MTREX: variants seen among roughly 807,000 people sequenced by gnomAD.
MTREX encodes the protein exosome RNA helicase MTR4.
A neutral mutation model predicts 135.4 loss-of-function variants in MTREX; 76 were observed. The observed-to-expected ratio is 0.56, with a 90% CI of 0.47 to 0.68. The LOEUF (loss-of-function observed/expected upper bound fraction) is 0.68. Among genes scored for constraint, MTREX ranks in the 30% least tolerant of loss-of-function variants. The pLI is 0.00. For synonymous variants in MTREX, 404 were observed against 401.6 expected, an observed-to-expected ratio of 1.01 and a Z score of -0.07; for missense variants, 920 against 1,262.1, an observed-to-expected ratio of 0.73 and a Z score of 4.11.
intron 16 of MTREX, among the ~76,000 whole-genome samples, chr5:55,370,051 G>A (rs992084164): frequency 1.3e-5 from 2 of 151,882 alleles, no homozygotes; most frequent in African/African-American, 4.8e-5. Context: ...AGCCTCTCAA[G>A]TAGCTGGGAT....
At chr5:55,417,326 T>G (rs1409534913) in intron 25 of MTREX, among the ~76,000 whole-genome samples, 1 of 152,164 alleles carries the variant, frequency 6.6e-6, no homozygotes, top group Non-Finnish European at 1.5e-5. Flanking sequence ...TCAGGGTAGA[T>G]ATTATCTCCA....
intron 19 of MTREX, among the ~76,000 whole-genome samples, chr5:55,388,814 T>TA (rs1750520946): frequency 6.6e-6 from 1 of 152,222 alleles, no homozygotes; most frequent in East Asian, 1.9e-4. Flanking sequence ...TTTCCTTAGT[T>TA]AAAATCATTT....
chr5:55,345,402 A>C (rs959002091), intron 10 of MTREX, among the ~76,000 whole-genome samples: 1 of 152,156 alleles, frequency 6.6e-6, no homozygotes, highest in Non-Finnish European at 1.5e-5. Context: ...TATACAATTC[A>C]GTAGTCTTTA....
intron 16 of MTREX, among the ~76,000 whole-genome samples, chr5:55,373,486 C>T (rs1750240883): frequency 6.6e-6 from 1 of 152,076 alleles, no homozygotes; most frequent in African/African-American, 2.4e-5. Flanking sequence ...GAAGATGGTG[C>T]ACTCCATCTC....
chr5:55,373,973 A>C (rs1219661272), intron 16 of MTREX, among the ~76,000 whole-genome samples: 1 of 152,112 alleles, frequency 6.6e-6, no homozygotes, highest in Non-Finnish European at 1.5e-5. Context: ...CATAAAAAAT[A>C]CAAAAAATGC....
chr5:55,421,082 T>C (rs1020932438), intron 25 of MTREX, among the ~76,000 whole-genome samples: 1 of 152,196 alleles, frequency 6.6e-6, no homozygotes, highest in African/African-American at 2.4e-5. Flanking sequence ...AGTAGGTTAA[T>C]GTGGTTTTGT....
chr5:55,337,605 C>T (rs1428847937), intron 5 of MTREX, among the ~76,000 whole-genome samples: 1 of 151,922 alleles, frequency 6.6e-6, no homozygotes, highest in East Asian at 1.9e-4. Context: ...TTTTGGTTCC[C>T]TTGTATGTTG....
intron 23 of MTREX, among the ~76,000 whole-genome samples, chr5:55,412,141 G>A (rs1023790379): frequency 3.9e-5 from 6 of 152,046 alleles, no homozygotes; most frequent in African/African-American, 9.7e-5. Context: ...TTGTGGTGGC[G>A]CCTTTTAACA....
intron 16 of MTREX, among the ~76,000 whole-genome samples, chr5:55,372,725 T>C (rs1750223467): frequency 6.6e-6 from 1 of 152,124 alleles, no homozygotes; most frequent in Non-Finnish European, 1.5e-5. Flanking sequence ...TCACGCCATA[T>C]ACAAAAAGTA....
chr5:55,345,457 A>G (rs905774743), intron 10 of MTREX, among the ~76,000 whole-genome samples: 6 of 152,128 alleles, frequency 3.9e-5, no homozygotes, highest in African/African-American at 1.2e-4. Context: ...TCTAGTTCCA[A>G]AATATTTTCA....
At chr5:55,421,921 C>A (rs991426753) in intron 25 of MTREX, among the ~76,000 whole-genome samples, 1 of 152,196 alleles carries the variant, frequency 6.6e-6, no homozygotes, top group South Asian at 2.1e-4. Context: ...CCTACCCTCT[C>A]TCTTGACACC....
At chr5:55,415,645 A>C (rs1383545367) in intron 24 of MTREX, among the ~76,000 whole-genome samples, 2 of 152,362 alleles carry the variant, frequency 1.3e-5, no homozygotes, top group Non-Finnish European at 2.9e-5. Context: ...TTTTGTAATG[A>C]AATAATTAGA....
chr5:55,379,967 G>A (rs149186623), intron 18 of MTREX, among the ~76,000 whole-genome samples: 34 of 151,954 alleles, frequency 2.2e-4, no homozygotes, highest in African/African-American at 8.0e-4. Context: ...ACGGAGTCTC[G>A]CTCTGTCGCC....
rs749268147 is a variant in MTREX, at chr5:55,347,122, G to C, written c.1218G>C (p.Met406Ile). The change falls in exon 11 of 27, where the codon ATG becomes ATC. Residue 406 changes from methionine to isoleucine, a missense_variant. Around this residue, in one of 6 missense-constraint regions of MTREX, gnomAD observed 101 missense variants for 119.1 expected, o/e 0.85. Transcript: ENST00000230640. ...ATTGTGAAGCCTATGCACTTCAAAT[G>C]ACCAAATTAGATTTCAACACAGGTA... ...KKDCEAYALQMTKLDFNTDEE... is the reference protein window; with the variant it reads ...KKDCEAYALQITKLDFNTDEE... The C allele has an allele frequency of 2.5e-6, 4 of 1,603,496 alleles. No homozygotes were observed. In the African/African-American group the frequency reaches 5.4e-5, roughly 22 times the overall value.
At chr5:55,371,386 A>G (rs1382976453) in intron 16 of MTREX, among the ~76,000 whole-genome samples, 1 of 152,148 alleles carries the variant, frequency 6.6e-6, no homozygotes, top group Middle Eastern at 3.2e-3. Flanking sequence ...ATACACTGTT[A>G]TACACTATAT....
At chr5:55,379,896 G>A (rs1485214290) in intron 18 of MTREX, among the ~76,000 whole-genome samples, 2 of 152,152 alleles carry the variant, frequency 1.3e-5, no homozygotes, top group African/African-American at 4.8e-5. Context: ...CTGAAGTGCT[G>A]TAGATTCCTT....
chr5:55,395,267 A>C (rs1750629191), intron 19 of MTREX, among the ~76,000 whole-genome samples: 1 of 151,894 alleles, frequency 6.6e-6, no homozygotes, highest in Admixed American at 6.6e-5. Context: ...TTAGTTGGGC[A>C]TGGTGGCACA....
chr5:55,353,585 C>T (rs535105265), intron 14 of MTREX, among the ~76,000 whole-genome samples: 3 of 152,186 alleles, frequency 2.0e-5, no homozygotes, highest in East Asian at 3.9e-4. Flanking sequence ...CACCTGTAGT[C>T]GCAGCTACTT....
At chr5:55,348,648 A>T (rs1446774614) in intron 11 of MTREX, among the ~76,000 whole-genome samples, 5 of 152,218 alleles carry the variant, frequency 3.3e-5, no homozygotes, top group Non-Finnish European at 5.9e-5. Context: ...GTAACAAATG[A>T]CAGATAGCTG....
Sources: gnomAD v4.1 joint callset for allele counts (sites outside exome capture counted in the v4.1 genomes callset) on GRCh38, gnomAD v4.1.1 for gene constraint, gnomAD v4.1.1 regional missense constraint, MANE v1.5 for transcripts, NCBI Gene and HGNC (gene_info 2026-07-23, HGNC 2026-07-21) for gene names.